HORMAD2: variants seen among roughly 807,000 people sequenced by gnomAD.
The protein encoded by HORMAD2 is HORMA domain-containing protein 2.
Under a neutral mutation model 38.8 loss-of-function variants are expected in HORMAD2, and 45 were observed. The observed-to-expected ratio is 1.16, with a 90% CI of 0.91 to 1.49. The LOEUF (loss-of-function observed/expected upper bound fraction) is 1.49, where lower values mean the gene tolerates loss of function less well. Among genes scored for constraint, HORMAD2 ranks in the 40% most tolerant of loss-of-function variants. HORMAD2 has a pLI of 0.00. For missense variants in HORMAD2, 338 were observed against 367.0 expected (o/e 0.92, Z 0.65); for synonymous variants, 126 against 122.8 (o/e 1.03, Z -0.17).
chr22:30,173,915 A>G (rs1023908459), intron 10 of HORMAD2, among the ~76,000 whole-genome samples: 1 of 152,206 alleles, frequency 6.6e-6, no homozygotes, highest in African/African-American at 2.4e-5. Flanking sequence ...CTTCCCAAAT[A>G]CTGCTACCAA....
intron 1 of HORMAD2, among the ~76,000 whole-genome samples, chr22:30,088,164 C>A (rs2068613311): frequency 7.1e-6 from 1 of 140,800 alleles, no homozygotes; most frequent in South Asian, 2.1e-4. Flanking sequence ...TACACGTATA[C>A]CTATGTATAC....
intron 4 of HORMAD2, among the ~76,000 whole-genome samples, chr22:30,104,150 G>A (rs1293619316): frequency 6.6e-6 from 1 of 152,094 alleles, no homozygotes; most frequent in East Asian, 1.9e-4. Flanking sequence ...TTCATCATAT[G>A]TGTGTCAGTG....
At chr22:30,197,835 A>G in the HORMAD2 span, among the ~76,000 whole-genome samples, 1 of 152,148 alleles carries the variant, frequency 6.6e-6, no homozygotes, top group African/African-American at 2.4e-5. Flanking sequence ...CTAAGGTTGA[A>G]TTCCCATCAC....
chr22:30,203,103 T>A, the HORMAD2 span, among the ~76,000 whole-genome samples: 18 of 152,184 alleles, frequency 1.2e-4, no homozygotes, highest in African/African-American at 4.3e-4. Flanking sequence ...AGGAGACAAA[T>A]ACACTATTTA....
chr22:30,171,008 T>C (rs1926076964), intron 10 of HORMAD2, among the ~76,000 whole-genome samples: 1 of 152,178 alleles, frequency 6.6e-6, no homozygotes, highest in South Asian at 2.1e-4. Flanking sequence ...TCCCTCTTCT[T>C]AAAACCCCCT....
the HORMAD2 span, among the ~76,000 whole-genome samples, chr22:30,187,685 G>A: frequency 6.6e-6 from 1 of 152,164 alleles, no homozygotes; most frequent in Admixed American, 6.5e-5. Flanking sequence ...TGGTGGAATG[G>A]AGTGGGGTAG....
chr22:30,205,174 CCA>C, the HORMAD2 span, among the ~76,000 whole-genome samples: 1 of 152,132 alleles, frequency 6.6e-6, no homozygotes, highest in African/African-American at 2.4e-5. Context: ...TAAAACAACT[CCA>C]GAGGTGGCAA....
At chr22:30,196,300 GC>G in the HORMAD2 span, among the ~76,000 whole-genome samples, 1 of 152,340 alleles carries the variant, frequency 6.6e-6, no homozygotes. Flanking sequence ...GCGAGTGAAA[GC>G]AAGCACGTCA....
the HORMAD2 span, among the ~76,000 whole-genome samples, chr22:30,186,183 T>TA: frequency 2.6e-5 from 4 of 152,224 alleles, no homozygotes; most frequent in Non-Finnish European, 4.4e-5. Context: ...TAATCATGAA[T>TA]AATTCACTTT....
chr22:30,135,631 C>T (rs1321468398), intron 10 of HORMAD2, among the ~76,000 whole-genome samples: 1 of 152,136 alleles, frequency 6.6e-6, no homozygotes, highest in Non-Finnish European at 1.5e-5. Context: ...ATTCCCAGAG[C>T]TCTCACAGGG....
rs776064931 is a variant in HORMAD2, at chr22:30,104,432, A to G, written c.289A>G (p.Arg97Gly). The G allele has an allele frequency of 2.5e-6, 4 of 1,608,348 alleles. No individual in the cohort carries two copies. Among genetic ancestry groups the G allele is most frequent in the African/African-American group, 2.7e-5 (2 of 74,780 alleles). ...AGGTTGTTTTGATGCTTTGGAAAAG[A>G]GATACGTAAGAATGTTTTTACACTT... ...IQGCFDALEK[R>G]YLRMAVLTLY... The change falls in exon 5 of 11, where the codon AGA becomes GGA. Residue 97 changes from arginine to glycine, a missense_variant. Transcript: ENST00000336726.
intron 7 of HORMAD2, among the ~76,000 whole-genome samples, chr22:30,116,838 A>C (rs924134912): frequency 1.3e-5 from 2 of 152,236 alleles, no homozygotes; most frequent in Non-Finnish European, 2.9e-5. Flanking sequence ...TCAGAGCATT[A>C]AAAAGCTAGA....
At chr22:30,099,075 A>G (rs1920927624) in intron 3 of HORMAD2, 82 bp downstream of exon 3, 2 of 1,269,320 alleles carry the variant, frequency 1.6e-6, no homozygotes, top group Non-Finnish European at 2.1e-6. Context: ...CGTCTCACAA[A>G]GTGTGCTAAT....
At chr22:30,172,210 G>A (rs1421484174) in intron 10 of HORMAD2, among the ~76,000 whole-genome samples, 1 of 152,160 alleles carries the variant, frequency 6.6e-6, no homozygotes, top group East Asian at 1.9e-4. Context: ...AAAGTATGAA[G>A]CCAAAAAGTA....
rs114246549 is a variant in HORMAD2, at chr22:30,171,242, C to A, written c.820-4821C>A. On this transcript the variant is annotated intron_variant, in intron 10 of 10. Transcript: ENST00000336726. ...ATGCTTATGACTTTCAAATTTACAT[C>A]TCCAACCCAGACCTCTTTCCTGAAT... is the stretch of plus-strand genomic sequence containing the variant. 4.7e-3 allele frequency among the ~76,000 whole-genome samples: 717 copies of A among 152,300 alleles called. 8 individuals carry two copies. Among genetic ancestry groups the A allele is most frequent in the African/African-American group, 0.016 (679 of 41,556 alleles).
intron 10 of HORMAD2, among the ~76,000 whole-genome samples, chr22:30,141,630 T>A (rs1361934094): frequency 1.3e-5 from 2 of 151,026 alleles, no homozygotes; most frequent in East Asian, 2.0e-4. Flanking sequence ...AGTCTTGCTC[T>A]GTCACCCAGG....
chr22:30,197,104 G>C, the HORMAD2 span, among the ~76,000 whole-genome samples: 1 of 152,068 alleles, frequency 6.6e-6, no homozygotes, highest in Non-Finnish European at 1.5e-5. Flanking sequence ...TAGGACCAAA[G>C]TTTTTGGGCA....
At chr22:30,164,209 G>A (rs1272607296) in intron 10 of HORMAD2, among the ~76,000 whole-genome samples, 3 of 152,140 alleles carry the variant, frequency 2.0e-5, no homozygotes, top group Admixed American at 6.5e-5. Context: ...TTGATGGACA[G>A]GTGGGTTGCT....
chr22:30,130,490 C>T (rs1420438570), intron 10 of HORMAD2, among the ~76,000 whole-genome samples: 2 of 151,814 alleles, frequency 1.3e-5, no homozygotes, highest in Non-Finnish European at 2.9e-5. Context: ...ATACAGGGTT[C>T]AGTAAGCCTG....
Sources: gnomAD v4.1 joint callset for allele counts (sites outside exome capture counted in the v4.1 genomes callset) on GRCh38, gnomAD v4.1.1 for gene constraint, MANE v1.5 for transcripts, NCBI Gene and HGNC (gene_info 2026-07-23, HGNC 2026-07-21) for gene names.